CLCN2: variants seen among roughly 807,000 people sequenced by gnomAD.
CLCN2 encodes the protein chloride channel protein 2.
A neutral mutation model predicts 108.3 loss-of-function variants in CLCN2; 72 were observed. The observed-to-expected ratio is 0.66, with a 90% confidence interval of 0.55 to 0.81. The LOEUF is 0.81. Ranked by LOEUF, CLCN2 falls within the 30% of genes least tolerant of loss-of-function variation. The probability of loss-of-function intolerance (pLI) is 0.00; values close to 1 mark genes in which losing one functional copy is unlikely to be tolerated. For synonymous variants in CLCN2, 471 were observed against 467.1 expected, an observed-to-expected ratio of 1.01 and a Z score of -0.11; for missense variants, 1,048 against 1,205.2, an observed-to-expected ratio of 0.87 and a Z score of 1.93.
rs1430981043 is a variant in CLCN2, at chr3:184,354,934, AG to A, written c.1365del (p.Cys456ValfsTer56). On this transcript the variant is annotated frameshift_variant, in exon 13 of 24. Coordinates refer to ENST00000265593, the MANE Select transcript of CLCN2 (RefSeq NM_004366.6). LOFTEE classifies it high-confidence loss of function. ...ACAAAGACAGGCATGAAGGCCCCACAGGGAACTGGGATGGTGGTGGCCAGTG... is the reference window on the plus strand; with the variant it reads ...ACAAAGACAGGCATGAAGGCCCCACAGGAACTGGGATGGTGGTGGCCAGTG... ...MSALATTIPV[P>X]CGAFMPVFVI... 3.1e-6 allele frequency: 5 copies of A among 1,614,022 alleles called. No homozygotes were observed. The highest frequency in any genetic ancestry group is 4.2e-6 in the Non-Finnish European group (5 of 1,179,988).
intron 10 of CLCN2, chr3:184,356,135 T>TATTGTGTGATGGGGTGGAGACAAA: frequency 2.9e-6 from 1 of 347,832 alleles, no homozygotes; most frequent in Non-Finnish European, 5.6e-6. Flanking sequence ...GAGAAGTTTC[T>TATTGTGTGATGGGGTGGAGACAAA]GCCTCTCTTT....
rs1410399584 is a variant in CLCN2, at chr3:184,361,162, T to C, written c.63+255A>G. ...GGAGGTGCAAAGAAAACGTGCATGTTGTGGGGTGAGGGGAAGGACACCTGA... is the reference window on the plus strand; with the variant it reads ...GGAGGTGCAAAGAAAACGTGCATGTCGTGGGGTGAGGGGAAGGACACCTGA... On this transcript the variant is annotated intron_variant, in intron 1 of 23. Transcript: ENST00000265593. The surrounding 1 kb of genome is among the most constrained non-coding windows in gnomAD (Gnocchi z 6.6). 5.3e-5 allele frequency among the ~76,000 whole-genome samples: 8 copies of C among 152,072 alleles called. No homozygotes were observed. Among genetic ancestry groups the C allele is most frequent in the Non-Finnish European group, 8.8e-5 (6 of 67,988 alleles).
At chr3:184,349,076 C>T (rs1727906959) in intron 22 of CLCN2, 1 of 152,248 alleles carries the variant, frequency 6.6e-6, no homozygotes, top group South Asian at 2.1e-4. Context: ...CTACTGTGTA[C>T]TCCAGCTTCC....
chr3:184,349,206 C>G (rs1180998704), intron 22 of CLCN2: 4 of 152,060 alleles, frequency 2.6e-5, no homozygotes, highest in East Asian at 1.9e-4. Context: ...AAAAAATTTT[C>G]TGGGCCGGGC....
rs146515374 is a variant in CLCN2, at chr3:184,352,753, G to C, written c.2201C>G (p.Pro734Arg). 3.7e-6 allele frequency: 6 copies of C among 1,613,032 alleles called. No homozygotes were observed. The highest frequency in any genetic ancestry group is 4.2e-6 in the Non-Finnish European group (5 of 1,179,962). ...LRSLFCGSPP[P>R]EAASEKLESC... ...GCCACTCACCTCCGAAGCAGCCTCA[G>C]GGGGTGGACTGCCACAGAAGAGGCT... The change falls in exon 19 of 24, where the codon CCT (proline) becomes CGT (arginine). Residue 734 changes from proline to arginine, a missense_variant. Coordinates refer to ENST00000265593, the MANE Select transcript of CLCN2 (RefSeq NM_004366.6).
rs73189627 is a variant in CLCN2, at chr3:184,355,450, G to A, written c.1250C>T (p.Pro417Leu). 1.2e-6 allele frequency: 2 copies of A among 1,614,032 alleles called. No homozygotes were observed. Among genetic ancestry groups the A allele is most frequent in the Non-Finnish European group, 1.7e-6 (2 of 1,179,988 alleles). The stretch of plus-strand genomic sequence containing the variant: ...GTTCCAGGCCTGTGAGGTGCTGGGT[G>A]GTTCTAGCTCCTCCACCAGGCCCTG... The part of the protein sequence containing the change: ...VRQGLVEELE[P>L]PSTSQAWNPP... Residue 417 changes from proline to leucine, a missense_variant, in exon 12 of 24, where the codon CCA becomes CTA. Coordinates refer to ENST00000265593, the MANE Select transcript of CLCN2 (RefSeq NM_004366.6). This position sits in a 1 kb window ranked among gnomAD's most constrained non-coding sequence, Gnocchi z 6.3.
At position 184,354,645 on chromosome 3, in the gene CLCN2, C is replaced by T. The variant is rs1196481017; in HGVS notation, c.1410G>A (p.Gly470=). Residue 470 remains glycine (G), a synonymous_variant, in exon 14 of 24, where the codon GGG becomes GGA. Coordinates refer to ENST00000265593, the MANE Select transcript of CLCN2 (RefSeq NM_004366.6). ...CAGCCATGCTTTCACCCACCAGACG[C>T]CCAAATGCTGCTCCTTCAGGGAGGG... is the stretch of plus-strand genomic sequence containing the variant. The part of the protein sequence containing the change: ...MPVFVIGAAF[G]RLVGESMAAW... The T allele has an allele frequency of 6.2e-7, 1 of 1,610,356 alleles. No individual in the cohort carries two copies. The highest frequency in any genetic ancestry group is 1.1e-5 in the South Asian group (1 of 90,994).
chr3:184,354,226 C>T lies in CLCN2; in HGVS notation c.1596G>A (p.Leu532=). Residue 532 remains leucine (L), a synonymous_variant, in exon 15 of 24, where the codon CTG becomes CTA. Coordinates refer to ENST00000265593, the MANE Select transcript of CLCN2 (RefSeq NM_004366.6). ...CCAGGATGACGGCGATCATGACAGG[C>T]AGGATGTGGGCAATCTGGCCTGTGA... ...FELTGQIAHI[L]PVMIAVILAN... is the part of the protein sequence containing the mutation. 2 of 1,613,352 alleles carry T rather than the reference C, an allele frequency of 1.2e-6. No individual in the cohort carries two copies. Among genetic ancestry groups the T allele is most frequent in the Non-Finnish European group, 8.5e-7 (1 of 1,179,952 alleles).
rs775864618 is a variant in CLCN2, at chr3:184,353,170, G to A, written c.2029-23C>T. The A allele has an allele frequency of 5.6e-6, 9 of 1,612,862 alleles. No individual in the cohort carries two copies. The Admixed American group carries it at 8.3e-5, about 15-fold the overall frequency. On this transcript the variant is annotated intron_variant, in intron 17 of 23. Coordinates refer to ENST00000265593, the MANE Select transcript of CLCN2 (RefSeq NM_004366.6). ...CACCTGCATAGGCAGGAAGGGGCTG[G>A]TGAGGCCACGGCCCCAGACCACCCT...
chr3:184,351,064 G>A (rs1402323638), intron 22 of CLCN2, among the ~76,000 whole-genome samples: 1 of 152,118 alleles, frequency 6.6e-6, no homozygotes, highest in African/African-American at 2.4e-5. Context: ...GGACTTCTAA[G>A]TTCCTTTATT....
chr3:184,354,351 A>C, intron 14 of CLCN2, 37 bp from the exon 15 acceptor site: 1 of 1,597,136 alleles, frequency 6.3e-7, no homozygotes, highest in Non-Finnish European at 8.6e-7. Context: ...CAGGGTGCCC[A>C]GGTCCCAGAA....
Position 184,357,656 on chromosome 3 carries a change from C to T in CLCN2, c.736G>A (p.Val246Met), listed in dbSNP as rs41266269. Residue 246 changes from valine to methionine, a missense_variant, in exon 7 of 24, where the codon GTG (valine) becomes ATG (methionine). By Grantham distance (21) the Val-to-Met change is conservative (BLOSUM62 1). Coordinates refer to ENST00000265593, the MANE Select transcript of CLCN2 (RefSeq NM_004366.6). Reference sequence around the variant, plus strand: ...GCCGCGAAGCAGCAGCCCACCCCCACGGCACAGGCGGCAGCCAGCATCTCT... The same window carrying T: ...GCCGCGAAGCAGCAGCCCACCCCCATGGCACAGGCGGCAGCCAGCATCTCT... ...NTEMLAAACA[V>M]GVGCCFAAPI... 17 of 1,613,958 alleles carry T rather than the reference C, an allele frequency of 1.1e-5. No homozygotes were observed. The highest frequency in any genetic ancestry group is 1.6e-4 in the Middle Eastern group (1 of 6,062).
In CLCN2 at chr3:184,358,177, C is replaced by A. The variant is rs1169608022; in HGVS notation, c.481+5G>T. On this transcript the variant is annotated splice_donor_5th_base_variant and intron_variant, in intron 4 of 23. Coordinates refer to ENST00000265593, the MANE Select transcript of CLCN2 (RefSeq NM_004366.6). ...CCTCTGCCCTCCCCTTCTCTTCTAA[C>A]ATACCGACAGCCTGAGGGGCCAGGA... The A allele has an allele frequency of 1.5e-5, 24 of 1,614,176 alleles. No individual in the cohort carries two copies. The highest frequency in any genetic ancestry group is 2.0e-5 in the Non-Finnish European group (24 of 1,180,042).
At position 184,352,726 on chromosome 3, in the gene CLCN2, C is replaced by T. The variant is rs747332867; in HGVS notation, c.2217+11G>A. ...AAAAGCAAGCTAGGAGGACAGGCTC[C>T]AGCCACTCACCTCCGAAGCAGCCTC... On this transcript the variant is annotated intron_variant, in intron 19 of 23. Transcript: ENST00000265593. The T allele has an allele frequency of 3.7e-6, 6 of 1,612,742 alleles. No homozygotes were observed. The South Asian group carries it at 6.6e-5, about 18-fold the overall frequency.
intron 22 of CLCN2, among the ~76,000 whole-genome samples, chr3:184,351,796 A>G (rs531119863): frequency 6.6e-6 from 1 of 152,294 alleles, no homozygotes; most frequent in East Asian, 1.9e-4. Context: ...AAGGCTGAGC[A>G]GAGGAAAAAC....
Position 184,354,299 on chromosome 3 carries a change from G to A in CLCN2, c.1523C>T (p.Ala508Val), listed in dbSNP as rs1232361514. Residue 508 changes from alanine (A) to valine (V), a missense_variant, in exon 15 of 24, where the codon GCA becomes GTA. Ala to Val is a moderately conservative substitution (Grantham distance 64). Transcript: ENST00000265593. ...GGACACTGTGTGTGTCACCGCTCCT[G>A]CCAGCGCAGCTGCCCCTGGGGACAG... ...GYAVVGAAAL[A>V]GAVTHTVSTA... The A allele has an allele frequency of 6.2e-7, 1 of 1,612,984 alleles. No individual in the cohort carries two copies. Among genetic ancestry groups the A allele is most frequent in the African/African-American group, 1.3e-5 (1 of 74,860 alleles).
rs1351079252 is a variant in CLCN2, at chr3:184,358,121, G to C, written c.482-26C>G. ...CTGGAGAGGGAACAGTCTCAGGAGAGGCATTCGATGCACCCATTTCAGGGG... is the reference window on the plus strand; with the variant it reads ...CTGGAGAGGGAACAGTCTCAGGAGACGCATTCGATGCACCCATTTCAGGGG... On this transcript the variant is annotated intron_variant, in intron 4 of 23. Transcript: ENST00000265593. 4.3e-6 allele frequency: 7 copies of C among 1,613,952 alleles called. No homozygotes were observed. In the Admixed American group the frequency reaches 1.2e-4, roughly 27 times the overall value.
rs1351157251 is a variant in CLCN2, at chr3:184,358,675, C to T, written c.352+7G>A. The T allele has an allele frequency of 1.9e-6, 3 of 1,569,344 alleles. No individual in the cohort carries two copies. The highest frequency in any genetic ancestry group is 1.9e-5 in the Admixed American group (1 of 53,720). ...CCAGTCCTCCCCCTGCCAGCTGTCACCCTCACCTTGCAGACAGGCAGCAAT... is the reference window on the plus strand; with the variant it reads ...CCAGTCCTCCCCCTGCCAGCTGTCATCCTCACCTTGCAGACAGGCAGCAAT... On this transcript the variant is annotated splice_region_variant and intron_variant, in intron 3 of 23. Coordinates refer to ENST00000265593, the MANE Select transcript of CLCN2 (RefSeq NM_004366.6).
rs371439220 is a variant in CLCN2, at chr3:184,351,394, C to T, written c.2415+619G>A. 9.6e-4 allele frequency among the ~76,000 whole-genome samples: 146 copies of T among 152,300 alleles called. 2 individuals are homozygous for T. In the South Asian group the frequency reaches 0.029, roughly 30 times the overall value. On this transcript the variant is annotated intron_variant, in intron 22 of 23. Transcript: ENST00000265593. ...CCTCCTCTGGGGTCTGCCTCGCCCACCCCAGGCAGTCTGCTCAGTTCCTCG... is the reference window on the plus strand; with the variant it reads ...CCTCCTCTGGGGTCTGCCTCGCCCATCCCAGGCAGTCTGCTCAGTTCCTCG...
Sources: allele counts gnomAD v4.1 joint callset (sites outside exome capture counted in the v4.1 genomes callset), GRCh38; gene constraint gnomAD v4.1.1; non-coding constraint Gnocchi (gnomAD v3.1); transcripts MANE v1.5; gene names NCBI Gene and HGNC (gene_info 2026-07-23, HGNC 2026-07-21).